CMTM6: variants seen among roughly 807,000 people sequenced by gnomAD.
The protein encoded by CMTM6 is CKLF-like MARVEL transmembrane domain-containing protein 6.
A neutral mutation model predicts 13.6 loss-of-function variants in CMTM6; 5 were observed. The ratio of observed to expected loss-of-function variants is 0.37; its 90% CI spans 0.19 to 0.77. CMTM6 has a LOEUF of 0.77. Among genes scored for constraint, CMTM6 ranks in the 30% least tolerant of loss-of-function variants. The pLI, the probability that CMTM6 is intolerant of heterozygous loss-of-function variation, is 0.50. For missense variants in CMTM6, 196 were observed against 218.6 expected (o/e 0.90, Z 0.65); for synonymous variants, 99 against 84.5 (o/e 1.17, Z -0.94).
In CMTM6 at chr3:32,489,034, C is replaced by T. The variant is rs184518568; in HGVS notation, c.316-998G>A. On this transcript the variant is annotated intron_variant, in intron 2 of 3. Coordinates refer to ENST00000205636, the MANE Select transcript of CMTM6 (RefSeq NM_017801.3). ...CTGTAATCTCAGCACTTTGGGAGGC[C>T]GAGACGGGCAGATCACGAGGTCAGG... Among the ~76,000 whole-genome samples the T allele has an allele frequency of 1.2e-4, 18 of 151,888 alleles. No homozygotes were observed. In the East Asian group the frequency reaches 3.5e-3, roughly 30 times the overall value.
Position 32,483,303 on chromosome 3 carries a change from T to C in CMTM6, c.*657A>G, listed in dbSNP as rs1385982455. ...AACACGAAGTTGCTGATATTGTTGC[T>C]TTTATACACATAAAATACCAACATC... On this transcript the variant is annotated 3_prime_UTR_variant, in exon 4 of 4. Coordinates refer to ENST00000205636, the MANE Select transcript of CMTM6 (RefSeq NM_017801.3). The C allele has an allele frequency of 9.2e-5, 14 of 152,674 alleles. 1 individual carries two copies. The highest frequency in any genetic ancestry group is 9.2e-4 in the Admixed American group (14 of 15,284). 9.5% of individuals were successfully genotyped at this position (152,674 alleles called of 1,614,324 possible).
At position 32,491,795 on chromosome 3, in the gene CMTM6, C is replaced by G. The variant is rs775273949; in HGVS notation, c.230G>C (p.Ser77Thr). Residue 77 changes from serine to threonine, a missense_variant, in exon 2 of 4, where the codon AGT becomes ACT. Transcript: ENST00000205636. ...GLYFFEFVSC[S>T]AFLLSLLILI... Reference sequence around the variant, plus strand: ...TATAAGGAGACTCAGAAGAAAGGCACTGCAGCTTACAAACTCAAAAAAATA... The same window carrying G: ...TATAAGGAGACTCAGAAGAAAGGCAGTGCAGCTTACAAACTCAAAAAAATA... The G allele has an allele frequency of 3.7e-6, 6 of 1,613,910 alleles. No homozygotes were observed. In the South Asian group the frequency reaches 4.4e-5, roughly 12 times the overall value.
intron 1 of CMTM6, among the ~76,000 whole-genome samples, chr3:32,495,923 G>T (rs1188157336): frequency 2.6e-5 from 4 of 152,146 alleles, no homozygotes; most frequent in Non-Finnish European, 5.9e-5. Flanking sequence ...GGGCACAGTG[G>T]CTCACACCTG....
chr3:32,489,131 G>A (rs911697801), intron 2 of CMTM6, among the ~76,000 whole-genome samples: 3 of 151,746 alleles, frequency 2.0e-5, no homozygotes, highest in Non-Finnish European at 2.9e-5. Context: ...TTAGCTGGGC[G>A]TGGTGGTGGG....
At chr3:32,500,383 C>A (rs896744171) in intron 1 of CMTM6, among the ~76,000 whole-genome samples, 1 of 152,154 alleles carries the variant, frequency 6.6e-6, no homozygotes, top group African/African-American at 2.4e-5. Context: ...CTGTAATATA[C>A]TGTTACTGTG....
chr3:32,500,942 C>G (rs1194783357), intron 1 of CMTM6, among the ~76,000 whole-genome samples: 3 of 151,896 alleles, frequency 2.0e-5, no homozygotes, highest in Non-Finnish European at 4.4e-5. Context: ...CGCCTGTAAT[C>G]CCAGCACTTT....
At chr3:32,491,049 T>A (rs1053144020) in intron 2 of CMTM6, among the ~76,000 whole-genome samples, 1 of 152,250 alleles carries the variant, frequency 6.6e-6, no homozygotes, top group Non-Finnish European at 1.5e-5. Flanking sequence ...AAATGAGTCC[T>A]GTTGTCATTG....
intron 1 of CMTM6, among the ~76,000 whole-genome samples, chr3:32,495,677 G>T (rs767264693): frequency 6.6e-6 from 1 of 152,144 alleles, no homozygotes; most frequent in Admixed American, 6.5e-5. Flanking sequence ...GCAATAAAAG[G>T]TTATCTGTAG....
intron 1 of CMTM6, among the ~76,000 whole-genome samples, chr3:32,497,715 G>A (rs549529924): frequency 2.6e-5 from 4 of 151,938 alleles, no homozygotes; most frequent in South Asian, 2.1e-4. Flanking sequence ...AAAATTAGCC[G>A]GGCATGGTGG....
intron 2 of CMTM6, 111 bp downstream of exon 2, chr3:32,491,599 T>C: frequency 1.1e-6 from 1 of 933,928 alleles, no homozygotes; most frequent in Non-Finnish European, 1.6e-6. Flanking sequence ...GAACAAGGGA[T>C]ACTGTCTTTT....
chr3:32,492,472 T>A (rs17279984), intron 1 of CMTM6, among the ~76,000 whole-genome samples: 1 of 152,134 alleles, frequency 6.6e-6, no homozygotes. Context: ...CTAAATGTCC[T>A]CGTTAATTAA....
At chr3:32,497,109 C>A (rs562123546) in intron 1 of CMTM6, among the ~76,000 whole-genome samples, 8 of 152,212 alleles carry the variant, frequency 5.3e-5, no homozygotes, top group Admixed American at 5.2e-4. Flanking sequence ...CTACACCGGG[C>A]GCGGTGGCTC....
chr3:32,485,513 C>A (rs990081897), intron 3 of CMTM6, among the ~76,000 whole-genome samples: 2 of 151,980 alleles, frequency 1.3e-5, no homozygotes, highest in African/African-American at 4.8e-5. Context: ...AATAAGTAGC[C>A]AGAGCTTTTT....
At chr3:32,499,335 A>G (rs1056113631) in intron 1 of CMTM6, among the ~76,000 whole-genome samples, 3 of 152,214 alleles carry the variant, frequency 2.0e-5, no homozygotes, top group Non-Finnish European at 4.4e-5. Context: ...CATTATTTAT[A>G]ATGTAATATA....
At chr3:32,497,227 C>CA (rs1173862727) in intron 1 of CMTM6, among the ~76,000 whole-genome samples, 1 of 150,544 alleles carries the variant, frequency 6.6e-6, no homozygotes, top group Non-Finnish European at 1.5e-5. Context: ...ACTAAAAATA[C>CA]AAAAAAAATT....
At chr3:32,487,134 T>C (rs1341096312) in intron 3 of CMTM6, among the ~76,000 whole-genome samples, 1 of 152,140 alleles carries the variant, frequency 6.6e-6, no homozygotes, top group Non-Finnish European at 1.5e-5. Flanking sequence ...AGGTGGCGAC[T>C]GTGAATGGGA....
At chr3:32,498,746 A>C (rs987881257) in intron 1 of CMTM6, among the ~76,000 whole-genome samples, 1 of 151,606 alleles carries the variant, frequency 6.6e-6, no homozygotes, top group African/African-American at 2.4e-5. Context: ...TACCCAGCTA[A>C]TTTTTGTATT....
In CMTM6 at chr3:32,482,033, A is replaced by G. The variant is rs778104258; in HGVS notation, c.*1927T>C. 6.6e-6 allele frequency: 1 copy of G among 151,812 alleles called. No individual in the cohort carries two copies. Among genetic ancestry groups the G allele is most frequent in the Non-Finnish European group, 1.5e-5 (1 of 68,030 alleles). The allele number at this position is 151,812 out of a possible 1,614,324, so 9.4% of individuals were successfully genotyped here. A position where few individuals can be genotyped will look rare whatever the true frequency, so the allele number is the denominator to read the frequency against. Reference sequence around the variant, plus strand: ...GAATTTTAGATAGGTCTAAATCACAATGGTACAGTCTGATGTGAAACTTTA... The same window carrying G: ...GAATTTTAGATAGGTCTAAATCACAGTGGTACAGTCTGATGTGAAACTTTA... On this transcript the variant is annotated 3_prime_UTR_variant, in exon 4 of 4. Coordinates refer to ENST00000205636, the MANE Select transcript of CMTM6 (RefSeq NM_017801.3).
At chr3:32,489,079 C>T (rs1697229039) in intron 2 of CMTM6, among the ~76,000 whole-genome samples, 2 of 151,052 alleles carry the variant, frequency 1.3e-5, no homozygotes, top group Non-Finnish European at 2.9e-5. Context: ...CCAGCCTGAC[C>T]AACATGGTGA....
Sources: allele counts gnomAD v4.1 joint callset (sites outside exome capture counted in the v4.1 genomes callset), GRCh38; gene constraint gnomAD v4.1.1; transcripts MANE v1.5; gene names NCBI Gene and HGNC (gene_info 2026-07-23, HGNC 2026-07-21).